MINDY4: variants seen among roughly 807,000 people sequenced by gnomAD.
The protein encoded by MINDY4 is probable ubiquitin carboxyl-terminal hydrolase MINDY-4.
In MINDY4, 68 loss-of-function variants were observed where a neutral mutation model predicts 87.0. That is an observed-to-expected ratio of 0.78 (90% CI 0.64 to 0.96). The LOEUF (loss-of-function observed/expected upper bound fraction) is 0.96. Ranked by LOEUF, MINDY4 falls within the 40% of genes least tolerant of loss-of-function variation. The pLI, the probability that MINDY4 is intolerant of heterozygous loss-of-function variation, is 0.00. For missense variants in MINDY4, 919 were observed against 928.2 expected, an observed-to-expected ratio of 0.99 and a Z score of 0.13; for synonymous variants, 379 against 363.2, an observed-to-expected ratio of 1.04 and a Z score of -0.50.
At chr7:30,877,762 C>T (rs111724056) in intron 15 of MINDY4, among the ~76,000 whole-genome samples, 5 of 148,116 alleles carry the variant, frequency 3.4e-5, no homozygotes, top group African/African-American at 7.5e-5. Context: ...ACCTCTGCCT[C>T]CTCTGTTCAA....
intron 6 of MINDY4, among the ~76,000 whole-genome samples, chr7:30,830,648 C>T (rs1304484144): frequency 6.6e-6 from 1 of 152,186 alleles, no homozygotes; most frequent in Non-Finnish European, 1.5e-5. Flanking sequence ...TAACCGCCCC[C>T]ATGATTCAAT....
intron 12 of MINDY4, among the ~76,000 whole-genome samples, chr7:30,855,569 C>T (rs1789545285): frequency 6.6e-6 from 1 of 152,202 alleles, no homozygotes; most frequent in Admixed American, 6.5e-5. Flanking sequence ...GCTCAAATGA[C>T]CACAGATCCT....
In MINDY4 at chr7:30,791,362, C is replaced by T; in HGVS notation, c.861C>T (p.Ala287=). 1 of 1,614,128 alleles carries T rather than the reference C, an allele frequency of 6.2e-7. No individual in the cohort carries two copies. Among genetic ancestry groups the T allele is most frequent in the Non-Finnish European group, 8.5e-7 (1 of 1,180,014 alleles). The part of the protein sequence containing the change: ...ELTVERQKTT[A]SSPPHLPSKR... Reference sequence around the variant, plus strand: ...CCGTAGAAAGGCAGAAAACCACTGCCAGCAGCCCTCCCCATCTGCCCAGCA... The same window carrying T: ...CCGTAGAAAGGCAGAAAACCACTGCTAGCAGCCCTCCCCATCTGCCCAGCA... Residue 287 remains alanine, a synonymous_variant, in exon 5 of 18, where the codon GCC becomes GCT. Coordinates refer to ENST00000265299, the MANE Select transcript of MINDY4 (RefSeq NM_032222.3).
intron 7 of MINDY4, among the ~76,000 whole-genome samples, chr7:30,837,107 T>C (rs1788881090): frequency 6.6e-6 from 1 of 152,196 alleles, no homozygotes; most frequent in African/African-American, 2.4e-5. Context: ...GCGCTGCTCC[T>C]GTACTGGTCT....
chr7:30,890,430 G>T (rs1484784256), intron 17 of MINDY4, among the ~76,000 whole-genome samples: 1 of 152,226 alleles, frequency 6.6e-6, no homozygotes, highest in Admixed American at 6.5e-5. Flanking sequence ...CAAATGGGCT[G>T]CATGCAAATA....
Position 30,882,180 on chromosome 7 carries a change from G to T in MINDY4, c.1972-1G>T. The stretch of plus-strand genomic sequence containing the variant: ...TCACATCAGGCCTCTCCCTCATCCA[G>T]GTTGGCTGCTTCCTGAAGACCCCGA... On this transcript the variant is annotated splice_acceptor_variant, in intron 15 of 17. Transcript: ENST00000265299. LOFTEE classifies it high-confidence loss of function. 6.2e-7 allele frequency: 1 copy of T among 1,604,592 alleles called. No homozygotes were observed. Among genetic ancestry groups the T allele is most frequent in the Non-Finnish European group, 8.5e-7 (1 of 1,173,062 alleles).
At position 30,773,704 on chromosome 7, in the gene MINDY4, CTTG is replaced by C. The variant is rs980846704; in HGVS notation, c.63+2154_63+2156del. ...CCCTGCCCCATGGTCATGAGCTGGGCTTGTTGTTACCAGTACTGCGCCCTTTCT... is the reference window on the plus strand; with the variant it reads ...CCCTGCCCCATGGTCATGAGCTGGGCTTGTTACCAGTACTGCGCCCTTTCT... On this transcript the variant is annotated intron_variant, in intron 1 of 17. Transcript: ENST00000265299. 7.8e-4 allele frequency among the ~76,000 whole-genome samples: 119 copies of C among 152,300 alleles called. 1 individual carries two copies. Among genetic ancestry groups the C allele is most frequent in the African/African-American group, 2.7e-3 (114 of 41,566 alleles).
At chr7:30,772,314 T>C (rs1444641112) in intron 1 of MINDY4, among the ~76,000 whole-genome samples, 1 of 152,168 alleles carries the variant, frequency 6.6e-6, no homozygotes, top group African/African-American at 2.4e-5. Context: ...TGGGTACTTG[T>C]CTTGTATGAA....
At chr7:30,877,503 G>A (rs1184262553) in intron 15 of MINDY4, among the ~76,000 whole-genome samples, 1 of 152,058 alleles carries the variant, frequency 6.6e-6, no homozygotes, top group South Asian at 2.1e-4. Flanking sequence ...TTTCCCTGCG[G>A]TAGGTGGATG....
In MINDY4 at chr7:30,882,132, C is replaced by G. The variant is rs761666546; in HGVS notation, c.1972-49C>G. The G allele has an allele frequency of 5.0e-5, 77 of 1,539,000 alleles. No homozygotes were observed. In the Admixed American group the frequency reaches 1.4e-3, roughly 28 times the overall value. On this transcript the variant is annotated intron_variant, in intron 15 of 17. Transcript: ENST00000265299. ...TGAGTCAGACAGAAAAATGCCCGGACCCCTTTCCCTGGGGACGGCATTTCA... is the reference window on the plus strand; with the variant it reads ...TGAGTCAGACAGAAAAATGCCCGGAGCCCTTTCCCTGGGGACGGCATTTCA...
intron 9 of MINDY4, among the ~76,000 whole-genome samples, chr7:30,848,326 A>G (rs1025272799): frequency 2.6e-5 from 4 of 152,196 alleles, no homozygotes; most frequent in Non-Finnish European, 5.9e-5. Context: ...AGATGGAGCA[A>G]AACTGCTGGT....
Position 30,805,054 on chromosome 7 carries a change from T to A in MINDY4, c.1073+13480T>A, listed in dbSNP as rs139637351. ...TAGGCAATAGAGAGGGATAGAAAGT[T>A]CTCTTGTGTTTTGGGTTCTGTTGTT... On this transcript the variant is annotated intron_variant, in intron 5 of 17. Transcript: ENST00000265299. Among the ~76,000 whole-genome samples, 31 of 152,206 alleles carry A rather than the reference T, an allele frequency of 2.0e-4. No individual in the cohort carries two copies. In the East Asian group the frequency reaches 6.0e-3, roughly 29 times the overall value.
chr7:30,802,975 GCCAA>G (rs1787703983), intron 5 of MINDY4: 1 of 151,368 alleles, frequency 6.6e-6, no homozygotes, highest in Non-Finnish European at 1.5e-5. Flanking sequence ...AACCAACCCG[GCCAA>G]CCAACCATCT....
At chr7:30,864,662 G>A (rs1039325632) in intron 13 of MINDY4, among the ~76,000 whole-genome samples, 1 of 152,256 alleles carries the variant, frequency 6.6e-6, no homozygotes, top group Admixed American at 6.5e-5. Context: ...GGCCTGGGCT[G>A]CACCATCACA....
At chr7:30,843,710 G>A (rs778759332) in intron 9 of MINDY4, among the ~76,000 whole-genome samples, 10 of 150,368 alleles carry the variant, frequency 6.7e-5, no homozygotes, top group South Asian at 2.1e-4. Context: ...GGGTGTCTGG[G>A]TAGAAAGAAA....
intron 2 of MINDY4, chr7:30,781,680 A>C: frequency 3.4e-6 from 1 of 290,972 alleles, no homozygotes. Flanking sequence ...ATGAAGAGGA[A>C]ATTTGCTTAG....
At chr7:30,784,033 T>C (rs1379865158) in intron 3 of MINDY4, among the ~76,000 whole-genome samples, 1 of 152,144 alleles carries the variant, frequency 6.6e-6, no homozygotes, top group East Asian at 1.9e-4. Context: ...CTGGTTCCAT[T>C]GAAAAGCACT....
intron 12 of MINDY4, among the ~76,000 whole-genome samples, chr7:30,857,276 C>T (rs1789603143): frequency 6.6e-6 from 1 of 152,116 alleles, no homozygotes; most frequent in African/African-American, 2.4e-5. Context: ...ATCGCTTTCT[C>T]CAAAAACCCT....
At chr7:30,883,154 C>T (rs1354435607) in intron 17 of MINDY4, among the ~76,000 whole-genome samples, 161 bp downstream of exon 17, 5 of 152,174 alleles carry the variant, frequency 3.3e-5, no homozygotes, top group Non-Finnish European at 7.3e-5. Context: ...CACTCGTGGT[C>T]ACTGGGGCCC....
Sources: allele counts gnomAD v4.1 joint callset (sites outside exome capture counted in the v4.1 genomes callset), GRCh38; gene constraint gnomAD v4.1.1; transcripts MANE v1.5; gene names NCBI Gene and HGNC (gene_info 2026-07-23, HGNC 2026-07-21).